Variants in RANBP2 observed in about 807,000 individuals in gnomAD.
RANBP2 encodes the protein E3 SUMO-protein ligase RanBP2.
In RANBP2, 57 loss-of-function variants were observed where a neutral mutation model predicts 303.6. The observed-to-expected ratio is 0.19, with a 90% CI of 0.15 to 0.23. RANBP2 has a LOEUF of 0.23. RANBP2 is among the 10% of genes least tolerant of loss of function. The pLI, the probability that RANBP2 is intolerant of heterozygous loss-of-function variation, is 1.00. For synonymous variants in RANBP2, 1,167 were observed against 1,301.5 expected, an observed-to-expected ratio of 0.90 and a Z score of 2.23; for missense variants, 3,138 against 3,780.8, an observed-to-expected ratio of 0.83 and a Z score of 4.46.
At chr2:109,720,262 TACAC>T in the RANBP2 span, among the ~76,000 whole-genome samples, 1 of 150,120 alleles carries the variant, frequency 6.7e-6, no homozygotes, top group Admixed American at 6.7e-5. Context: ...TCAATCTTTA[TACAC>T]ACACACATAC....
the RANBP2 span, among the ~76,000 whole-genome samples, chr2:109,372,526 T>C: frequency 2.0e-5 from 3 of 152,246 alleles, no homozygotes; most frequent in African/African-American, 2.4e-5. Flanking sequence ...TACCTGCTCA[T>C]TTAATCTTCT....
the RANBP2 span, among the ~76,000 whole-genome samples, chr2:109,638,185 G>A: frequency 6.6e-6 from 1 of 152,180 alleles, no homozygotes. Flanking sequence ...GAAGCACGAT[G>A]AAAGATAACA....
the RANBP2 span, among the ~76,000 whole-genome samples, chr2:109,270,287 G>A: frequency 6.6e-6 from 1 of 152,162 alleles, no homozygotes; most frequent in Non-Finnish European, 1.5e-5. Flanking sequence ...GTCTGTGGTT[G>A]CCTGAGGTGG....
the RANBP2 span, among the ~76,000 whole-genome samples, chr2:109,035,543 C>T: frequency 6.6e-6 from 1 of 151,124 alleles, no homozygotes; most frequent in Non-Finnish European, 1.5e-5. Context: ...CCAGAAACCA[C>T]CAGCAGGCAC....
chr2:109,175,454 C>T, the RANBP2 span, among the ~76,000 whole-genome samples: 12 of 152,298 alleles, frequency 7.9e-5, no homozygotes, highest in Admixed American at 3.9e-4. Flanking sequence ...GGAAGCTTCA[C>T]GAGTTGGCAG....
At chr2:109,071,250 C>T in the RANBP2 span, among the ~76,000 whole-genome samples, 1 of 152,154 alleles carries the variant, frequency 6.6e-6, no homozygotes, top group Non-Finnish European at 1.5e-5. Context: ...TCAAGGATGT[C>T]TCCTGGGTTT....
chr2:109,313,233 A>G, the RANBP2 span, among the ~76,000 whole-genome samples: 1 of 152,226 alleles, frequency 6.6e-6, no homozygotes, highest in Non-Finnish European at 1.5e-5. Context: ...TGACACCGGC[A>G]TGATATCAGG....
chr2:109,031,174 T>G, the RANBP2 span, among the ~76,000 whole-genome samples: 2 of 152,038 alleles, frequency 1.3e-5, no homozygotes, highest in African/African-American at 4.8e-5. Flanking sequence ...AGAGAGTAAT[T>G]TATAAATAGC....
the RANBP2 span, among the ~76,000 whole-genome samples, chr2:109,649,187 G>A: frequency 2.0e-5 from 3 of 152,056 alleles, no homozygotes; most frequent in Non-Finnish European, 4.4e-5. Flanking sequence ...TAAAGAATGA[G>A]AAAAAGCAAG....
the RANBP2 span, among the ~76,000 whole-genome samples, chr2:109,108,281 C>T: frequency 4.6e-5 from 7 of 152,140 alleles, no homozygotes; most frequent in Admixed American, 1.3e-4. Context: ...CCTCGTTATC[C>T]GCCTGCCTCA....
chr2:109,159,499 G>A, the RANBP2 span, among the ~76,000 whole-genome samples: 1 of 152,220 alleles, frequency 6.6e-6, no homozygotes, highest in Admixed American at 6.5e-5. Flanking sequence ...AGCTTTCCTT[G>A]TTAATGAGCT....
chr2:109,764,361 G>C, the RANBP2 span, among the ~76,000 whole-genome samples: 1 of 145,878 alleles, frequency 6.9e-6, no homozygotes, highest in African/African-American at 2.5e-5. Context: ...TTTTGATTAG[G>C]TGCTAGACAT....
Position 108,749,290 on chromosome 2 carries a change from A to AT in RANBP2, c.1273+167dup, listed in dbSNP as rs1675657415. 2.6e-5 allele frequency among the ~76,000 whole-genome samples: 4 copies of AT among 151,530 alleles called. No individual in the cohort carries two copies. The South Asian group carries it at 8.4e-4, about 32-fold the overall frequency. On this transcript the variant is annotated intron_variant, in intron 9 of 28. Transcript: ENST00000283195. Reference sequence around the variant, plus strand: ...ATGTGGTGCTGTGGGGGTGGCATGTATTTTTTGTTGTTGTTGTTGTTTTTA... The same window carrying AT: ...ATGTGGTGCTGTGGGGGTGGCATGTATTTTTTTGTTGTTGTTGTTGTTTTTA...
the RANBP2 span, among the ~76,000 whole-genome samples, chr2:109,362,746 A>G: frequency 9.2e-5 from 14 of 152,252 alleles, no homozygotes; most frequent in Admixed American, 5.2e-4. Context: ...GTATTTTGAC[A>G]CTGTTGTTAG....
chr2:108,906,238 G>A, the RANBP2 span: 1 of 1,549,472 alleles, frequency 6.5e-7, no homozygotes, highest in Non-Finnish European at 8.9e-7. Context: ...AGGAGCCTCA[G>A]GGCTCCGGGC....
chr2:109,186,394 G>T, the RANBP2 span, among the ~76,000 whole-genome samples: 1 of 152,252 alleles, frequency 6.6e-6, no homozygotes. Flanking sequence ...AGCATTAAGA[G>T]GCGGAGCCTC....
chr2:109,050,164 G>A, the RANBP2 span, among the ~76,000 whole-genome samples: 1 of 152,106 alleles, frequency 6.6e-6, no homozygotes, highest in South Asian at 2.1e-4. Context: ...TATCTCAATT[G>A]TTTGTATAAT....
chr2:109,481,312 G>A, the RANBP2 span, among the ~76,000 whole-genome samples: 1 of 152,224 alleles, frequency 6.6e-6, no homozygotes, highest in Non-Finnish European at 1.5e-5. Flanking sequence ...GCTGGAGGGT[G>A]CACCTGTGCC....
the RANBP2 span, among the ~76,000 whole-genome samples, chr2:109,084,120 T>C: frequency 6.6e-6 from 1 of 152,302 alleles, no homozygotes; most frequent in African/African-American, 2.4e-5. Context: ...CCCAAGTAGC[T>C]CCATCCATGG....
Sources: gnomAD v4.1 joint callset for allele counts (sites outside exome capture counted in the v4.1 genomes callset) on GRCh38, gnomAD v4.1.1 for gene constraint, MANE v1.5 for transcripts, NCBI Gene and HGNC (gene_info 2026-07-23, HGNC 2026-07-21) for gene names.